Variants in SLF2 observed in about 807,000 individuals in gnomAD.
SLF2 encodes the protein SMC5/6 complex localization factor 2.
In SLF2, 68 loss-of-function variants were observed where a neutral mutation model predicts 124.3. The observed-to-expected ratio is 0.55, with a 90% confidence interval of 0.45 to 0.67. SLF2 has a LOEUF of 0.67. SLF2 is among the 30% of genes least tolerant of loss of function. SLF2 has a pLI of 0.00. For missense variants in SLF2, 1,246 were observed against 1,373.7 expected, an observed-to-expected ratio of 0.91 and a Z score of 1.47; for synonymous variants, 480 against 478.8, an observed-to-expected ratio of 1.00 and a Z score of -0.03.
intron 4 of SLF2, among the ~76,000 whole-genome samples, chr10:100,922,776 A>AT (rs201403883): frequency 0.037 from 5,201 of 140,440 alleles, 307 homozygotes; most frequent in East Asian, 0.3. Context: ...GTTAAAGTGA[A>AT]TTTTTTTTTT....
intron 1 of SLF2, among the ~76,000 whole-genome samples, chr10:100,914,077 A>T (rs973384514): frequency 8.5e-5 from 13 of 152,344 alleles, no homozygotes; most frequent in African/African-American, 2.9e-4. Flanking sequence ...ACTAAAACTA[A>T]TGTAAGGCTG....
chr10:100,929,764 G>A (rs545209826), intron 7 of SLF2, 66 bp from the exon 8 acceptor site: 5 of 1,259,486 alleles, frequency 4.0e-6, no homozygotes, highest in Non-Finnish European at 5.5e-6. Flanking sequence ...TTTGCACCCA[G>A]CTTTTAAATA....
Position 100,937,480 on chromosome 10 carries a change from AAGT to A in SLF2, c.2512+5_2512+7del, listed in dbSNP as rs776636191. 2.6e-6 allele frequency: 4 copies of A among 1,530,422 alleles called. No individual in the cohort carries two copies. The highest frequency in any genetic ancestry group is 2.7e-6 in the Non-Finnish European group (3 of 1,104,038). The allele number at this position is 1,530,422 out of a possible 1,614,324, so 94.8% of individuals were successfully genotyped here. A position where few individuals can be genotyped will look rare whatever the true frequency, so the allele number is the denominator to read the frequency against. On this transcript the variant is annotated splice_donor_5th_base_variant and intron_variant, in intron 10 of 19. Coordinates refer to ENST00000238961, the MANE Select transcript of SLF2 (RefSeq NM_018121.4). ...GATGGAAATAACAATTAGAAATGGT[AAGT>A]ATATCAACTTATTAAGATTTACCGT... is the stretch of plus-strand genomic sequence containing the variant.
intron 6 of SLF2, among the ~76,000 whole-genome samples, chr10:100,927,515 C>T (rs938173395): frequency 6.6e-6 from 1 of 152,164 alleles, no homozygotes; most frequent in Non-Finnish European, 1.5e-5. Context: ...ATTGCTTCCA[C>T]TTTTTGGCTA....
At position 100,916,837 on chromosome 10, in the gene SLF2, T is replaced by C; in HGVS notation, c.452T>C (p.Val151Ala). The stretch of plus-strand genomic sequence containing the variant: ...TTAGCCAAAGGAACAAATATCTATG[T>C]TCCTTCTTCATATCACTTGCCAAAG... ...KYLAKGTNIY[V>A]PSSYHLPKEM... The change falls in exon 3 of 20, where the codon GTT becomes GCT. Residue 151 changes from valine (V) to alanine (A), a missense_variant. Physicochemically the swap from Val to Ala is moderately conservative, Grantham distance 64 (BLOSUM62 0). This residue lies in a region of SLF2 where 698 missense variants were observed against 708.9 expected (regional missense o/e 0.98). Transcript: ENST00000238961. The C allele has an allele frequency of 6.2e-7, 1 of 1,614,178 alleles. No homozygotes were observed. Among genetic ancestry groups the C allele is most frequent in the Non-Finnish European group, 8.5e-7 (1 of 1,180,022 alleles).
At position 100,925,301 on chromosome 10, in the gene SLF2, GGAA is replaced by G. The variant is rs151279752; in HGVS notation, c.1971+338_1971+340del. On this transcript the variant is annotated intron_variant, in intron 5 of 19. Coordinates refer to ENST00000238961, the MANE Select transcript of SLF2 (RefSeq NM_018121.4). ...GCATATGCAAAAACAGAATTTAAAAGGAAGAAGAAGAGAAAAATAAGTATTTTC... is the reference window on the plus strand; with the variant it reads ...GCATATGCAAAAACAGAATTTAAAAGGAAGAAGAGAAAAATAAGTATTTTC... 9.7e-4 allele frequency among the ~76,000 whole-genome samples: 148 copies of G among 152,264 alleles called. 3 individuals carry two copies. The East Asian group carries it at 0.023, about 23-fold the overall frequency.
rs756612205 is a variant in SLF2, at chr10:100,950,761, G to C, written c.3330+8G>C. ...TTTTCTTCTGGACAACGGGTAGGTA[G>C]TGTTTAGTGTTGTTGCTGCTGTTTT... On this transcript the variant is annotated splice_region_variant and intron_variant, in intron 17 of 19. Transcript: ENST00000238961. 3.0e-5 allele frequency: 48 copies of C among 1,610,534 alleles called. No homozygotes were observed. Among genetic ancestry groups the C allele is most frequent in the Non-Finnish European group, 4.1e-5 (48 of 1,176,818 alleles).
Position 100,917,191 on chromosome 10 carries a change from A to G in SLF2, c.806A>G (p.Glu269Gly). The G allele has an allele frequency of 1.2e-6, 2 of 1,614,238 alleles. No homozygotes were observed. Among genetic ancestry groups the G allele is most frequent in the Non-Finnish European group, 1.7e-6 (2 of 1,180,052 alleles). Residue 269 changes from glutamate (E) to glycine (G), a missense_variant, in exon 3 of 20, where the codon GAA (glutamate) becomes GGA (glycine). Glu to Gly is a moderately conservative substitution (Grantham distance 98). Coordinates refer to ENST00000238961, the MANE Select transcript of SLF2 (RefSeq NM_018121.4). ...ATCAACTCCGAGAATTCTTTCTCAG[A>G]AGCAAGCAGTCTTTCCTTAAAATCT... ...QRINSENSFS[E>G]ASSLSLKSSI...
intron 15 of SLF2, among the ~76,000 whole-genome samples, chr10:100,949,079 A>C (rs1431719667): frequency 6.6e-6 from 1 of 152,230 alleles, no homozygotes; most frequent in Non-Finnish European, 1.5e-5. Context: ...TGGTAAGAAC[A>C]GTAATCGAAG....
rs1217808053 is a variant in SLF2, at chr10:100,947,744, T to C, written c.3033-16T>C. ...AATTAAAATACATTCTAAATACTTTTAACTTCTAATTCTAGGCAACTGAGA... is the reference window on the plus strand; with the variant it reads ...AATTAAAATACATTCTAAATACTTTCAACTTCTAATTCTAGGCAACTGAGA... On this transcript the variant is annotated splice_polypyrimidine_tract_variant and intron_variant, in intron 14 of 19. Coordinates refer to ENST00000238961, the MANE Select transcript of SLF2 (RefSeq NM_018121.4). 2 of 1,573,382 alleles carry C rather than the reference T, an allele frequency of 1.3e-6. No individual in the cohort carries two copies. The highest frequency in any genetic ancestry group is 2.2e-5 in the East Asian group (1 of 44,646).
chr10:100,942,157 T>C (rs1413645787), intron 11 of SLF2, among the ~76,000 whole-genome samples: 2 of 152,126 alleles, frequency 1.3e-5, no homozygotes, highest in Non-Finnish European at 2.9e-5. Context: ...TTTAATGCAA[T>C]TCTAGTTCTA....
At chr10:100,938,072 AACTT>A (rs1387990718) in intron 10 of SLF2, among the ~76,000 whole-genome samples, 3 of 152,216 alleles carry the variant, frequency 2.0e-5, no homozygotes, top group Non-Finnish European at 2.9e-5. Flanking sequence ...AATGGTTCCA[AACTT>A]ACTTAGCCAA....
chr10:100,933,295 G>A (rs1441648007), intron 9 of SLF2, among the ~76,000 whole-genome samples: 1 of 152,156 alleles, frequency 6.6e-6, no homozygotes, highest in African/African-American at 2.4e-5. Flanking sequence ...CATTTAAGCA[G>A]TTTTTTAATA....
At chr10:100,951,104 G>A (rs111569222) in intron 17 of SLF2, among the ~76,000 whole-genome samples, 7,768 of 152,182 alleles carry the variant, frequency 0.051, 672 homozygotes, top group African/African-American at 0.18. Flanking sequence ...TTAGCCAGGC[G>A]TTGTGGCAGG....
rs752352367 is a variant in SLF2, at chr10:100,917,196, A to T, written c.811A>T (p.Ser271Cys). Residue 271 changes from serine to cysteine, a missense_variant, in exon 3 of 20, where the codon AGC becomes TGC. This residue lies in a region of SLF2 where 698 missense variants were observed against 708.9 expected (regional missense o/e 0.98). Coordinates refer to ENST00000238961, the MANE Select transcript of SLF2 (RefSeq NM_018121.4). ...CTCCGAGAATTCTTTCTCAGAAGCA[A>T]GCAGTCTTTCCTTAAAATCTAGTAT... ...INSENSFSEA[S>C]SLSLKSSIER... 9 of 1,614,234 alleles carry T rather than the reference A, an allele frequency of 5.6e-6. No homozygotes were observed. The highest frequency in any genetic ancestry group is 8.5e-7 in the Non-Finnish European group (1 of 1,180,050).
At chr10:100,941,675 A>C (rs1488069022) in intron 11 of SLF2, among the ~76,000 whole-genome samples, 1 of 152,146 alleles carries the variant, frequency 6.6e-6, no homozygotes, top group Admixed American at 6.5e-5. Flanking sequence ...TTCTAATCAA[A>C]TTGATCTGCC....
intron 4 of SLF2, among the ~76,000 whole-genome samples, chr10:100,920,953 AAAAT>A (rs1053386872): frequency 1.3e-5 from 2 of 152,350 alleles, no homozygotes; most frequent in Middle Eastern, 3.4e-3. Context: ...AATCTCGAAA[AAAAT>A]AAATAAATAA....
chr10:100,946,994 T>A, intron 13 of SLF2, 45 bp from the exon 14 acceptor site: 1 of 1,461,744 alleles, frequency 6.8e-7, no homozygotes, highest in Non-Finnish European at 9.6e-7. Context: ...TGTTTTATTC[T>A]ACTGTTCTGT....
chr10:100,951,217 T>C (rs548402569), intron 17 of SLF2, among the ~76,000 whole-genome samples: 2 of 152,330 alleles, frequency 1.3e-5, no homozygotes, highest in African/African-American at 2.4e-5. Context: ...CACTCCAGCC[T>C]GGGCAACAAG....
Sources: allele counts gnomAD v4.1 joint callset (sites outside exome capture counted in the v4.1 genomes callset), GRCh38; gene constraint gnomAD v4.1.1; regional missense constraint gnomAD v4.1.1; transcripts MANE v1.5; gene names NCBI Gene and HGNC (gene_info 2026-07-23, HGNC 2026-07-21).